Variants in RNLS observed in about 807,000 individuals in gnomAD.
The protein encoded by RNLS is renalase, FAD dependent amine oxidase, also known as renalase.
Under a neutral mutation model 39.8 loss-of-function variants are expected in RNLS, and 39 were observed. That is an observed-to-expected ratio of 0.98 (90% CI 0.76 to 1.28). The LOEUF (loss-of-function observed/expected upper bound fraction) is 1.28. Ranked by LOEUF, RNLS falls within the 50% of genes most tolerant of loss-of-function variation. The pLI is 0.00. For synonymous variants in RNLS, 147 were observed against 150.7 expected (o/e 0.98, Z 0.18); for missense variants, 410 against 413.3 (o/e 0.99, Z 0.07).
chr10:88,451,960 A>T (rs1842385054), intron 4 of RNLS, among the ~76,000 whole-genome samples: 1 of 152,228 alleles, frequency 6.6e-6, no homozygotes, highest in South Asian at 2.1e-4. Context: ...TCCCAGGGGC[A>T]TAACCCACTG....
At chr10:88,533,975 T>C (rs1027890384) in intron 4 of RNLS, among the ~76,000 whole-genome samples, 2 of 151,998 alleles carry the variant, frequency 1.3e-5, no homozygotes, top group Non-Finnish European at 2.9e-5. Flanking sequence ...AAATTGCCTA[T>C]ATTTTAGGAG....
At chr10:88,551,877 G>A (rs989549615) in intron 4 of RNLS, among the ~76,000 whole-genome samples, 1 of 152,124 alleles carries the variant, frequency 6.6e-6, no homozygotes, top group Non-Finnish European at 1.5e-5. Flanking sequence ...GTACTCATAA[G>A]TTGGAGCTAT....
At chr10:88,282,515 ACACACACACACG>A (rs1201233921), downstream of RNLS, among the ~76,000 whole-genome samples, 4 of 105,010 alleles carry the variant, frequency 3.8e-5, no homozygotes, top group South Asian at 9.3e-4. Context: ...ACACACACAC[ACACACACACACG>A]CTTGGATGAG....
chr10:88,368,252 C>T (rs1850273323), intron 4 of RNLS, among the ~76,000 whole-genome samples: 2 of 151,646 alleles, frequency 1.3e-5, no homozygotes, highest in African/African-American at 2.4e-5. Context: ...CCCTCATCCA[C>T]CCTAATTTAA....
At chr10:88,257,190 G>GAGCT in the RNLS span, among the ~76,000 whole-genome samples, 2 of 152,042 alleles carry the variant, frequency 1.3e-5, no homozygotes, top group African/African-American at 4.8e-5. Context: ...ACATAGTTAT[G>GAGCT]AGCTCATCCT....
intron 4 of RNLS, among the ~76,000 whole-genome samples, chr10:88,461,820 G>T (rs1842945413): frequency 6.6e-6 from 1 of 152,054 alleles, no homozygotes; most frequent in African/African-American, 2.4e-5. Flanking sequence ...GAAAGATAAA[G>T]TTATTGCCCA....
In RNLS at chr10:88,314,479, C is replaced by T; in HGVS notation, c.863G>A (p.Trp288Ter). 1 of 1,613,804 alleles carries T rather than the reference C, an allele frequency of 6.2e-7. No homozygotes were observed. The highest frequency in any genetic ancestry group is 1.1e-5 in the South Asian group (1 of 91,072). The change falls in exon 6 of 7, where the codon TGG becomes TAG. Residue 288 changes from tryptophan to a stop codon, truncating the protein, a stop_gained. Coordinates refer to ENST00000331772, the MANE Select transcript of RNLS (RefSeq NM_001031709.3). LOFTEE classifies it high-confidence loss of function. ...PQPIATKCQKWRHSQVTNAAA... is the reference protein window; with the variant it reads ...PQPIATKCQK The stretch of plus-strand genomic sequence containing the variant: ...TTCTTTGATTACCTGTGAATGTCTC[C>T]ATTTTTGGCATTTGGTAGCAATTGG...
chr10:88,317,780 C>A (rs983122226), intron 5 of RNLS, among the ~76,000 whole-genome samples: 1 of 152,090 alleles, frequency 6.6e-6, no homozygotes, highest in Non-Finnish European at 1.5e-5. Flanking sequence ...CAGAAGAGAT[C>A]CAGGACCTGA....
At chr10:88,383,400 T>C (rs1207677959) in intron 4 of RNLS, among the ~76,000 whole-genome samples, 1 of 152,150 alleles carries the variant, frequency 6.6e-6, no homozygotes, top group Non-Finnish European at 1.5e-5. Context: ...ACAAGTGAAA[T>C]TTATACTGTG....
intron 4 of RNLS, among the ~76,000 whole-genome samples, chr10:88,527,726 C>A (rs1034866153): frequency 6.6e-6 from 1 of 151,748 alleles, no homozygotes; most frequent in Non-Finnish European, 1.5e-5. Context: ...TAGTTGTGCA[C>A]CTTTAAAATA....
the RNLS span, among the ~76,000 whole-genome samples, chr10:88,201,840 T>G: frequency 6.6e-6 from 1 of 152,178 alleles, no homozygotes; most frequent in African/African-American, 2.4e-5. Context: ...GACTAACAGC[T>G]ACTTGTCTTA....
At chr10:88,314,379 G>C in intron 6 of RNLS, 87 bp downstream of exon 6, 2 of 1,332,718 alleles carry the variant, frequency 1.5e-6, no homozygotes, top group Non-Finnish European at 2.1e-6. Context: ...TATTTCACTA[G>C]AGAGTGCAAA....
At chr10:88,455,425 G>C (rs1735886082) in intron 4 of RNLS, among the ~76,000 whole-genome samples, 1 of 151,884 alleles carries the variant, frequency 6.6e-6, no homozygotes, top group South Asian at 2.1e-4. Flanking sequence ...GTTTTGTTTT[G>C]AGACAGAGTC....
At chr10:88,267,453 A>G in the RNLS span, among the ~76,000 whole-genome samples, 2 of 152,034 alleles carry the variant, frequency 1.3e-5, no homozygotes, top group Non-Finnish European at 2.9e-5. Context: ...GCGCAAATCT[A>G]TAGTCCTTGC....
intron 6 of RNLS, among the ~76,000 whole-genome samples, chr10:88,292,466 T>G (rs901366462): frequency 5.9e-5 from 9 of 151,888 alleles, no homozygotes. Context: ...TATCTTTGCC[T>G]GTAAGAAAAC....
In RNLS at chr10:88,381,509, T is replaced by C. The variant is rs146988020; in HGVS notation, c.527-18784A>G. Among the ~76,000 whole-genome samples, 559 of 151,892 alleles carry C rather than the reference T, an allele frequency of 3.7e-3. 3 individuals are homozygous for C. Among genetic ancestry groups the C allele is most frequent in the Non-Finnish European group, 4.0e-3 (271 of 67,870 alleles). On this transcript the variant is annotated intron_variant, in intron 4 of 6. Coordinates refer to ENST00000331772, the MANE Select transcript of RNLS (RefSeq NM_001031709.3). Reference sequence around the variant, plus strand: ...TTTATATATATATACATATTAAAAGTATTTTTTGTTTTTTATATTCAGCTT... The same window carrying C: ...TTTATATATATATACATATTAAAAGCATTTTTTGTTTTTTATATTCAGCTT...
chr10:88,501,327 A>C (rs1845473076), intron 4 of RNLS, among the ~76,000 whole-genome samples: 2 of 152,138 alleles, frequency 1.3e-5, no homozygotes, highest in African/African-American at 2.4e-5. Context: ...CCTATATCTC[A>C]TAATTTGGTT....
chr10:88,242,852 C>A, the RNLS span, among the ~76,000 whole-genome samples: 1 of 152,130 alleles, frequency 6.6e-6, no homozygotes, highest in African/African-American at 2.4e-5. Flanking sequence ...GAGGCTGAGG[C>A]AGGAGAATTG....
chr10:88,558,520 C>T (rs1043139811), intron 4 of RNLS, among the ~76,000 whole-genome samples: 1 of 152,126 alleles, frequency 6.6e-6, no homozygotes, highest in Non-Finnish European at 1.5e-5. Context: ...GGTAAACTCC[C>T]TCTGTCCTGC....
Sources: allele counts gnomAD v4.1 joint callset (sites outside exome capture counted in the v4.1 genomes callset), GRCh38; gene constraint gnomAD v4.1.1; transcripts MANE v1.5; gene names NCBI Gene and HGNC (gene_info 2026-07-23, HGNC 2026-07-21).